HTR1F: variants seen among roughly 807,000 people sequenced by gnomAD.
HTR1F encodes 5-hydroxytryptamine receptor 1F.
A neutral mutation model predicts 24.0 loss-of-function variants in HTR1F; 17 were observed. The ratio of observed to expected loss-of-function variants is 0.71; its 90% CI spans 0.48 to 1.06. HTR1F has a LOEUF of 1.06. HTR1F is among the 50% of genes least tolerant of loss of function. The probability of loss-of-function intolerance (pLI) is 0.00; values close to 1 mark genes in which losing one functional copy is unlikely to be tolerated. For synonymous variants in HTR1F, 186 were observed against 156.8 expected (o/e 1.19, Z -1.39); for missense variants, 391 against 427.8 (o/e 0.91, Z 0.76).
At chr3:87,820,666 TTTGAGAGTTGATATGCTCTCAAATAC>T (rs1559594293) in intron 1 of HTR1F, among the ~76,000 whole-genome samples, 2 of 152,080 alleles carry the variant, frequency 1.3e-5, no homozygotes, top group African/African-American at 4.8e-5. Flanking sequence ...TTGTAATAAA[TTTGAGAGTTGATATGCTCTCAAATAC>T]TTGAGAGTAT....
Position 87,835,591 on chromosome 3 carries a change from T to C in HTR1F, c.-43+13467T>C, listed in dbSNP as rs73145249. Among the ~76,000 whole-genome samples the C allele has an allele frequency of 4.0e-3, 604 of 152,346 alleles. 2 individuals are homozygous for C. Among genetic ancestry groups the C allele is most frequent in the Non-Finnish European group, 6.9e-3 (468 of 68,028 alleles). Reference sequence around the variant, plus strand: ...CAATAGACCATGCATATAAAGCAGTTAGCAATGTTCTTGGCTGATTATTTT... The same window carrying C: ...CAATAGACCATGCATATAAAGCAGTCAGCAATGTTCTTGGCTGATTATTTT... On this transcript the variant is annotated intron_variant, in intron 2 of 2. Transcript: ENST00000319595.
Position 87,991,653 on chromosome 3 carries a change from T to A in HTR1F, c.904T>A (p.Phe302Ile). The A allele has an allele frequency of 6.2e-7, 1 of 1,613,352 alleles. No individual in the cohort carries two copies. Among genetic ancestry groups the A allele is most frequent in the Non-Finnish European group, 8.5e-7 (1 of 1,179,526 alleles). Residue 302 changes from phenylalanine to isoleucine, a missense_variant, in exon 3 of 3, where the codon TTT (phenylalanine) becomes ATT (isoleucine). Coordinates refer to ENST00000319595, the MANE Select transcript of HTR1F (RefSeq NM_001322209.2). ...ATTLGLILGA[F>I]VICWLPFFVK... Reference sequence around the variant, plus strand: ...TACCCTGGGATTAATCTTGGGTGCATTTGTAATATGTTGGCTTCCTTTTTT... The same window carrying A: ...TACCCTGGGATTAATCTTGGGTGCAATTGTAATATGTTGGCTTCCTTTTTT...
At chr3:87,819,674 G>C (rs944396460) in intron 1 of HTR1F, among the ~76,000 whole-genome samples, 2 of 151,908 alleles carry the variant, frequency 1.3e-5, no homozygotes, top group African/African-American at 4.8e-5. Flanking sequence ...ATTTATTAAT[G>C]AACAAACTTT....
chr3:87,900,796 G>C (rs1706303765), intron 2 of HTR1F, among the ~76,000 whole-genome samples: 1 of 152,150 alleles, frequency 6.6e-6, no homozygotes, highest in Non-Finnish European at 1.5e-5. Context: ...TACTAACCAA[G>C]ACAGCAAGAG....
intron 2 of HTR1F, among the ~76,000 whole-genome samples, chr3:87,913,652 T>A (rs149128427): frequency 6.6e-5 from 10 of 152,210 alleles, no homozygotes; most frequent in African/African-American, 2.4e-4. Context: ...GCACCACTAT[T>A]CACAATAACA....
At chr3:87,982,834 T>C (rs1413255227) in intron 2 of HTR1F, among the ~76,000 whole-genome samples, 2 of 152,214 alleles carry the variant, frequency 1.3e-5, no homozygotes, top group Admixed American at 6.5e-5. Context: ...CAACTCACCA[T>C]TACATATAAA....
At chr3:87,983,778 A>G (rs1348559196) in intron 2 of HTR1F, among the ~76,000 whole-genome samples, 7 of 152,192 alleles carry the variant, frequency 4.6e-5, no homozygotes, top group Non-Finnish European at 1.5e-5. Flanking sequence ...ATGGAAGAGT[A>G]AAAAAACATA....
rs181028521 is a variant in HTR1F at position 87,912,423 on chromosome 3, A to T, written c.-42-78285A>T. 2.6e-3 allele frequency among the ~76,000 whole-genome samples: 398 copies of T among 152,192 alleles called. 4 individuals are homozygous for T. In the South Asian group the frequency reaches 0.043, roughly 17 times the overall value. ...GCACTGCTCAAAGAAATCAGAGATG[A>T]TACAAACAAATGGAAAAACATTCCA... On this transcript the variant is annotated intron_variant, in intron 2 of 2. Coordinates refer to ENST00000319595, the MANE Select transcript of HTR1F (RefSeq NM_001322209.2).
intron 2 of HTR1F, among the ~76,000 whole-genome samples, chr3:87,947,572 A>G (rs1297370622): frequency 1.3e-5 from 2 of 152,194 alleles, no homozygotes; most frequent in East Asian, 3.9e-4. Context: ...GGTACAAAAA[A>G]TATGAGAGAG....
chr3:87,797,080 A>C (rs999577405), intron 1 of HTR1F, among the ~76,000 whole-genome samples: 1 of 152,232 alleles, frequency 6.6e-6, no homozygotes, highest in African/African-American at 2.4e-5. Flanking sequence ...TCAGACATAC[A>C]AAAATCATGT....
intron 2 of HTR1F, among the ~76,000 whole-genome samples, chr3:87,840,254 A>T (rs1704772503): frequency 6.6e-6 from 1 of 152,144 alleles, no homozygotes. Context: ...CCTGGATATT[A>T]GACCTTTGTC....
At chr3:87,922,420 T>C (rs1420244925) in intron 2 of HTR1F, among the ~76,000 whole-genome samples, 1 of 151,992 alleles carries the variant, frequency 6.6e-6, no homozygotes. Flanking sequence ...ATTAAGCCCC[T>C]GTCAGATGAA....
intron 2 of HTR1F, among the ~76,000 whole-genome samples, chr3:87,914,582 T>C (rs1277259865): frequency 6.6e-6 from 1 of 151,974 alleles, no homozygotes; most frequent in Non-Finnish European, 1.5e-5. Flanking sequence ...TTCCCCCCAC[T>C]TCCCTGACAA....
At chr3:87,874,009 A>T (rs959930867) in intron 2 of HTR1F, among the ~76,000 whole-genome samples, 2 of 152,194 alleles carry the variant, frequency 1.3e-5, no homozygotes, top group African/African-American at 4.8e-5. Flanking sequence ...AGAAGCCCAC[A>T]GCTAACATCA....
At chr3:87,896,287 G>A (rs1423282929) in intron 2 of HTR1F, among the ~76,000 whole-genome samples, 1 of 152,186 alleles carries the variant, frequency 6.6e-6, no homozygotes, top group East Asian at 1.9e-4. Flanking sequence ...AGAGCGGAAA[G>A]GAGCCTAGAG....
At chr3:87,954,026 C>T in intron 2 of HTR1F, among the ~76,000 whole-genome samples, 1 of 151,512 alleles carries the variant, frequency 6.6e-6, no homozygotes, top group East Asian at 1.9e-4. Flanking sequence ...TTACCAGAGA[C>T]AGGGAATGGG....
intron 2 of HTR1F, among the ~76,000 whole-genome samples, chr3:87,848,276 G>A (rs535538398): frequency 3.3e-5 from 5 of 151,924 alleles, no homozygotes; most frequent in African/African-American, 1.2e-4. Context: ...CTGATGCTGA[G>A]CATTTTTTCA....
At chr3:87,795,104 C>T (rs978350903) in intron 1 of HTR1F, among the ~76,000 whole-genome samples, 1 of 149,666 alleles carries the variant, frequency 6.7e-6, no homozygotes, top group African/African-American at 2.5e-5. Context: ...TCTCCTGCCT[C>T]AGCCTCCTGA....
intron 2 of HTR1F, among the ~76,000 whole-genome samples, chr3:87,920,330 A>C (rs1349120981): frequency 2.0e-5 from 3 of 151,794 alleles, no homozygotes; most frequent in Non-Finnish European, 1.5e-5. Context: ...GTGCACCAAA[A>C]TTTCACAAAT....
Sources: allele counts gnomAD v4.1 joint callset (sites outside exome capture counted in the v4.1 genomes callset), GRCh38; gene constraint gnomAD v4.1.1; transcripts MANE v1.5; gene names NCBI Gene and HGNC (gene_info 2026-07-23, HGNC 2026-07-21).